Variants in LRMDA observed in about 807,000 individuals in gnomAD.
The protein encoded by LRMDA is leucine-rich melanocyte differentiation-associated protein.
A neutral mutation model predicts 29.8 loss-of-function variants in LRMDA; 18 were observed. The ratio of observed to expected loss-of-function variants is 0.60; its 90% CI spans 0.42 to 0.90. The LOEUF is 0.90. LRMDA is among the 40% of genes least tolerant of loss of function. The probability of loss-of-function intolerance (pLI) is 0.00; values close to 1 mark genes in which losing one functional copy is unlikely to be tolerated. For synonymous variants in LRMDA, 125 were observed against 109.4 expected (o/e 1.14, Z -0.89); for missense variants, 273 against 273.9 (o/e 1.00, Z 0.02).
At chr10:75,808,847 C>G (rs1345005482) in intron 2 of LRMDA, among the ~76,000 whole-genome samples, 2 of 152,114 alleles carry the variant, frequency 1.3e-5, no homozygotes, top group Non-Finnish European at 2.9e-5. Context: ...AGGAATTTCC[C>G]TAATTTCTTA....
intron 2 of LRMDA, among the ~76,000 whole-genome samples, chr10:75,951,923 G>C (rs1347595144): frequency 6.6e-6 from 1 of 152,190 alleles, no homozygotes; most frequent in Non-Finnish European, 1.5e-5. Flanking sequence ...CTTTCTGGGG[G>C]ACGGAGGCCA....
intron 2 of LRMDA, among the ~76,000 whole-genome samples, chr10:75,990,001 A>G (rs901242771): frequency 1.3e-5 from 2 of 152,158 alleles, no homozygotes; most frequent in Admixed American, 6.5e-5. Flanking sequence ...CTTGGGTATA[A>G]TTAGCCTAGA....
chr10:75,610,805 A>G (rs1282758962), intron 2 of LRMDA, among the ~76,000 whole-genome samples: 1 of 152,148 alleles, frequency 6.6e-6, no homozygotes, highest in African/African-American at 2.4e-5. Context: ...TTTTTCCCTC[A>G]AGTCTTGTTT....
chr10:76,271,047 AC>A (rs1328993136), intron 5 of LRMDA, among the ~76,000 whole-genome samples: 1 of 152,176 alleles, frequency 6.6e-6, no homozygotes, highest in Non-Finnish European at 1.5e-5. Context: ...TAAATGCTAA[AC>A]CCTAGGCTAC....
intron 5 of LRMDA, among the ~76,000 whole-genome samples, chr10:76,181,583 C>G (rs1486485369): frequency 1.3e-5 from 2 of 152,088 alleles, no homozygotes; most frequent in Admixed American, 1.3e-4. Context: ...TTGGGGGCAG[C>G]AAGAGAGTCT....
intron 2 of LRMDA, among the ~76,000 whole-genome samples, chr10:75,642,035 G>T (rs1179988820): frequency 2.6e-5 from 4 of 152,202 alleles, no homozygotes; most frequent in Non-Finnish European, 5.9e-5. Context: ...CAACCACTAA[G>T]AAGCAGCTCA....
intron 2 of LRMDA, among the ~76,000 whole-genome samples, chr10:75,802,347 A>G (rs1843767644): frequency 7.2e-6 from 1 of 139,458 alleles, no homozygotes; most frequent in African/African-American, 2.6e-5. Context: ...ACACACACAC[A>G]CACACACACA....
intron 2 of LRMDA, among the ~76,000 whole-genome samples, chr10:75,818,767 C>A (rs1381948083): frequency 6.6e-6 from 1 of 152,192 alleles, no homozygotes; most frequent in East Asian, 1.9e-4. Flanking sequence ...ACCTCCCCAC[C>A]CCTGGGAGGG....
Position 76,209,258 on chromosome 10 carries a change from C to T in LRMDA, c.517-115143C>T, listed in dbSNP as rs566097205. Among the ~76,000 whole-genome samples, 37 of 152,262 alleles carry T rather than the reference C, an allele frequency of 2.4e-4. 1 individual carries two copies. The highest frequency in any genetic ancestry group is 8.3e-4 in the South Asian group (4 of 4,818). ...CTCACCTAAAAACAGACTGTGCTTC[C>T]GTGCCTCTGAGCATTTGCTCAGTCC... On this transcript the variant is annotated intron_variant, in intron 5 of 6. Coordinates refer to ENST00000611255, the MANE Select transcript of LRMDA (RefSeq NM_001305581.2).
intron 6 of LRMDA, among the ~76,000 whole-genome samples, chr10:76,403,903 C>A (rs1841875516): frequency 6.6e-6 from 1 of 152,092 alleles, no homozygotes; most frequent in Admixed American, 6.5e-5. Flanking sequence ...TCCTTAAGAT[C>A]TTCCCATTGT....
rs1177639751 is a variant in LRMDA at position 75,456,580 on chromosome 10, AG to A, written c.131+18087del. Reference sequence around the variant, plus strand: ...ATGGGATAACAGCTTCTCTTTCAGAAGTGCCCAGGACAGGGTTACACACTAG... The same window carrying A: ...ATGGGATAACAGCTTCTCTTTCAGAATGCCCAGGACAGGGTTACACACTAG... On this transcript the variant is annotated intron_variant, in intron 2 of 6. Coordinates refer to ENST00000611255, the MANE Select transcript of LRMDA (RefSeq NM_001305581.2). Among the ~76,000 whole-genome samples, 3 of 152,238 alleles carry A rather than the reference AG, an allele frequency of 2.0e-5. No individual in the cohort carries two copies. The East Asian group carries it at 5.8e-4, about 29-fold the overall frequency.
At chr10:76,092,803 C>G (rs982030110) in intron 5 of LRMDA, among the ~76,000 whole-genome samples, 6 of 152,014 alleles carry the variant, frequency 3.9e-5, no homozygotes, top group African/African-American at 1.5e-4. Flanking sequence ...TGTGCAGGGC[C>G]CAATAGGTAC....
At chr10:76,237,947 C>T (rs767144192) in intron 5 of LRMDA, among the ~76,000 whole-genome samples, 24 of 151,886 alleles carry the variant, frequency 1.6e-4, no homozygotes, top group East Asian at 9.7e-4. Context: ...CGTGCCACCA[C>T]GCCTGGCTAA....
At chr10:75,734,689 C>T (rs965422359) in intron 2 of LRMDA, among the ~76,000 whole-genome samples, 4 of 152,202 alleles carry the variant, frequency 2.6e-5, no homozygotes, top group Admixed American at 1.3e-4. Context: ...ACCTGGATTC[C>T]CCTCTGTGGC....
chr10:75,479,412 C>G (rs952845990), intron 2 of LRMDA, among the ~76,000 whole-genome samples: 1 of 151,242 alleles, frequency 6.6e-6, no homozygotes, highest in African/African-American at 2.4e-5. Flanking sequence ...GAGGCTGAGG[C>G]AGGATAATGG....
Position 75,750,164 on chromosome 10 carries a change from C to T in LRMDA, c.132-285844C>T, listed in dbSNP as rs577301857. On this transcript the variant is annotated intron_variant, in intron 2 of 6. Transcript: ENST00000611255. ...TGGGTACACCTCCCAGACGGGGTGG[C>T]GGCTGGGCAGAGGGGCTCCTCACTT... Among the ~76,000 whole-genome samples, 68 of 152,212 alleles carry T rather than the reference C, an allele frequency of 4.5e-4. 1 individual carries two copies. Among genetic ancestry groups the T allele is most frequent in the East Asian group, 7.7e-4 (4 of 5,164 alleles).
At chr10:75,601,455 TA>T (rs1198815609) in intron 2 of LRMDA, 6 of 152,358 alleles carry the variant, frequency 3.9e-5, no homozygotes, top group Non-Finnish European at 7.3e-5. Context: ...CCAATGGGAA[TA>T]ATGGATACTC....
intron 2 of LRMDA, among the ~76,000 whole-genome samples, chr10:75,687,132 A>G (rs907980704): frequency 2.0e-5 from 3 of 152,180 alleles, no homozygotes; most frequent in Non-Finnish European, 2.9e-5. Context: ...TGACCCTGCA[A>G]TTGGCTCTAA....
intron 2 of LRMDA, among the ~76,000 whole-genome samples, chr10:75,569,770 A>C (rs141521861): frequency 6.6e-6 from 1 of 152,208 alleles, no homozygotes; most frequent in African/African-American, 2.4e-5. Context: ...TTTAGCACAA[A>C]TCAGATCAAG....
Sources: gnomAD v4.1 joint callset for allele counts (sites outside exome capture counted in the v4.1 genomes callset) on GRCh38, gnomAD v4.1.1 for gene constraint, MANE v1.5 for transcripts, NCBI Gene and HGNC (gene_info 2026-07-23, HGNC 2026-07-21) for gene names.